CD274: variants seen among roughly 807,000 people sequenced by gnomAD.
The protein encoded by CD274 is CD274 molecule, also known as programmed cell death 1 ligand 1.
Under a neutral mutation model 30.1 loss-of-function variants are expected in CD274, and 8 were observed. The ratio of observed to expected loss-of-function variants is 0.27; its 90% CI spans 0.16 to 0.48. The LOEUF (loss-of-function observed/expected upper bound fraction) is 0.48, where lower values mean the gene tolerates loss of function less well. Ranked by LOEUF, CD274 falls within the 20% of genes least tolerant of loss-of-function variation. The probability of loss-of-function intolerance (pLI) is 0.99; values close to 1 mark genes in which losing one functional copy is unlikely to be tolerated. For missense variants in CD274, 353 were observed against 346.6 expected, an observed-to-expected ratio of 1.02 and a Z score of -0.15; for synonymous variants, 152 against 124.6, an observed-to-expected ratio of 1.22 and a Z score of -1.46.
chr9:5,457,814 T>C (rs1252359166), intron 3 of CD274, among the ~76,000 whole-genome samples: 5 of 152,210 alleles, frequency 3.3e-5, no homozygotes, highest in Admixed American at 3.3e-4. Flanking sequence ...AGAGTAACCA[T>C]TATTTGTGTG....
intron 4 of CD274, among the ~76,000 whole-genome samples, chr9:5,464,520 G>A (rs1819463768): frequency 1.3e-5 from 2 of 152,156 alleles, no homozygotes; most frequent in Non-Finnish European, 1.5e-5. Flanking sequence ...AAGGGTGAGA[G>A]GTGGGAGTTA....
rs180812211 is a variant in CD274, at chr9:5,457,577, C to G, written c.394+157C>G. On this transcript the variant is annotated intron_variant, in intron 3 of 6. Transcript: ENST00000381577. ...TTCATGAATTCATTCACATAATTAT[C>G]CAATTTCTTGAGCACCTATTTGATA... 7.2e-5 allele frequency among the ~76,000 whole-genome samples: 11 copies of G among 152,298 alleles called. No individual in the cohort carries two copies. The East Asian group carries it at 1.9e-3, about 27-fold the overall frequency.
intron 1 of CD274, among the ~76,000 whole-genome samples, chr9:5,455,028 A>G (rs901324963): frequency 6.6e-6 from 1 of 152,022 alleles, no homozygotes; most frequent in African/African-American, 2.4e-5. Context: ...GGAGCTATTT[A>G]TATATTAGGA....
chr9:5,464,188 G>A (rs1181885593), intron 4 of CD274, among the ~76,000 whole-genome samples: 1 of 152,150 alleles, frequency 6.6e-6, no homozygotes, highest in Non-Finnish European at 1.5e-5. Flanking sequence ...TATTGAACTG[G>A]CTTTCAGTAA....
rs996756739 is a variant in CD274 at position 5,469,578 on chromosome 9, A to G, written c.*1716A>G. Reference sequence around the variant, plus strand: ...TATTTTAGTGTTTCTTATATAGCAGATGGAATGAATTTGAAGTTCCCAGGG... The same window carrying G: ...TATTTTAGTGTTTCTTATATAGCAGGTGGAATGAATTTGAAGTTCCCAGGG... On this transcript the variant is annotated 3_prime_UTR_variant, in exon 7 of 7. Coordinates refer to ENST00000381577, the MANE Select transcript of CD274 (RefSeq NM_014143.4). The G allele has an allele frequency of 4.3e-6, 1 of 231,978 alleles. No individual in the cohort carries two copies. The highest frequency in any genetic ancestry group is 2.2e-5 in the African/African-American group (1 of 45,298). The allele number at this position is 231,978 out of a possible 1,614,324, so 14.4% of individuals were successfully genotyped here. A position where few individuals can be genotyped will look rare whatever the true frequency, so the allele number is the denominator to read the frequency against.
At chr9:5,454,906 A>G (rs1819273583) in intron 1 of CD274, among the ~76,000 whole-genome samples, 1 of 152,198 alleles carries the variant, frequency 6.6e-6, no homozygotes, top group South Asian at 2.1e-4. Context: ...AACATCTTTC[A>G]TATGTTTACA....
At chr9:5,464,802 AG>A (rs1819468431) in intron 4 of CD274, among the ~76,000 whole-genome samples, 1 of 152,112 alleles carries the variant, frequency 6.6e-6, no homozygotes, top group Non-Finnish European at 1.5e-5. Flanking sequence ...AGAATGCAAG[AG>A]GGGCCAGGAG....
intron 1 of CD274, among the ~76,000 whole-genome samples, chr9:5,452,350 A>G (rs1479175268): frequency 1.3e-5 from 2 of 151,816 alleles, no homozygotes; most frequent in Non-Finnish European, 2.9e-5. Flanking sequence ...CCTCCTACCC[A>G]TCCTACCCTT....
At chr9:5,466,673 T>A (rs1819502054) in intron 5 of CD274, 97 bp from the exon 6 acceptor site, 1 of 881,412 alleles carries the variant, frequency 1.1e-6, no homozygotes, top group Non-Finnish European at 1.8e-6. Context: ...TCCTAGGGAT[T>A]ACAAATGTTT....
intron 1 of CD274, among the ~76,000 whole-genome samples, chr9:5,450,876 C>A (rs192414020): frequency 6.6e-6 from 1 of 152,332 alleles, no homozygotes; most frequent in Non-Finnish European, 1.5e-5. Context: ...GATAGGTAGT[C>A]ATTCTTATGC....
In CD274 at chr9:5,465,101, A is replaced by T. The variant is rs1417330544; in HGVS notation, c.683-398A>T. ...GACTCTGCCTCAAAAAAAAAAAAAAAAAGCAAGAGGAAGTGAAATAATCAA... is the reference window on the plus strand; with the variant it reads ...GACTCTGCCTCAAAAAAAAAAAAAATAAGCAAGAGGAAGTGAAATAATCAA... On this transcript the variant is annotated intron_variant, in intron 4 of 6. Transcript: ENST00000381577. 2.0e-5 allele frequency among the ~76,000 whole-genome samples: 3 copies of T among 152,180 alleles called. No homozygotes were observed. The East Asian group carries it at 5.8e-4, about 29-fold the overall frequency.
intron 1 of CD274, among the ~76,000 whole-genome samples, chr9:5,454,046 C>A (rs1173051452): frequency 6.6e-6 from 1 of 152,070 alleles, no homozygotes; most frequent in Non-Finnish European, 1.5e-5. Flanking sequence ...AAGAAAAAAA[C>A]ATAAAAAATA....
Position 5,462,893 on chromosome 9 carries a change from G to T in CD274, c.454G>T (p.Glu152Ter). Residue 152 changes from glutamate (E) to a stop codon, truncating the protein, a stop_gained, in exon 4 of 7, where the codon GAA (glutamate) becomes TAA (stop). Transcript: ENST00000381577. LOFTEE classifies it high-confidence loss of function. ...TGTGGATCCAGTCACCTCTGAACAT[G>T]AACTGACATGTCAGGCTGAGGGCTA... is the stretch of plus-strand genomic sequence containing the variant. ...LVVDPVTSEH[E>*]LTCQAEGYPK... The T allele has an allele frequency of 6.2e-7, 1 of 1,613,990 alleles. No homozygotes were observed. The highest frequency in any genetic ancestry group is 1.1e-5 in the South Asian group (1 of 91,058).
chr9:5,468,147 C>G lies in CD274; in HGVS notation c.*285C>G. 2.3e-6 allele frequency: 1 copy of G among 435,890 alleles called. No individual in the cohort carries two copies. Among genetic ancestry groups the G allele is most frequent in the South Asian group, 4.6e-5 (1 of 21,752 alleles). The allele number at this position is 435,890 out of a possible 1,614,324, so 27.0% of individuals were successfully genotyped here. On this transcript the variant is annotated 3_prime_UTR_variant, in exon 7 of 7. Transcript: ENST00000381577. ...AGAAAGGATACTTCTGAACAAGGAG[C>G]CTCCAAGCAAATCATCCATTGCTCA...
intron 3 of CD274, among the ~76,000 whole-genome samples, chr9:5,462,138 A>C (rs1036824317): frequency 1.3e-5 from 2 of 152,184 alleles, no homozygotes; most frequent in African/African-American, 2.4e-5. Context: ...AACAAATTTA[A>C]ACATTAAAAA....
At chr9:5,454,008 G>A (rs1015137833) in intron 1 of CD274, among the ~76,000 whole-genome samples, 2 of 152,206 alleles carry the variant, frequency 1.3e-5, no homozygotes, top group South Asian at 4.1e-4. Context: ...CTTATTTTCT[G>A]TAATTCCATT....
At chr9:5,451,206 AG>A (rs1210576953) in intron 1 of CD274, among the ~76,000 whole-genome samples, 2 of 152,232 alleles carry the variant, frequency 1.3e-5, no homozygotes, top group Non-Finnish European at 2.9e-5. Context: ...TAACACAAGG[AG>A]TAAAAGTACC....
At chr9:5,458,033 A>G (rs1819338524) in intron 3 of CD274, among the ~76,000 whole-genome samples, 1 of 152,226 alleles carries the variant, frequency 6.6e-6, no homozygotes, top group Admixed American at 6.5e-5. Flanking sequence ...CTTCCAGTAC[A>G]GGATAAGCCA....
At chr9:5,452,412 A>AG (rs1239221309) in intron 1 of CD274, among the ~76,000 whole-genome samples, 1 of 152,210 alleles carries the variant, frequency 6.6e-6, no homozygotes, top group African/African-American at 2.4e-5. Flanking sequence ...GGCTTCCCCC[A>AG]GGGACAAACC....
Sources: allele counts gnomAD v4.1 joint callset (sites outside exome capture counted in the v4.1 genomes callset), GRCh38; gene constraint gnomAD v4.1.1; transcripts MANE v1.5; gene names NCBI Gene and HGNC (gene_info 2026-07-23, HGNC 2026-07-21).